INPP5F: variants seen among roughly 807,000 people sequenced by gnomAD.
INPP5F encodes phosphatidylinositide 4-phosphatase SAC2.
INPP5F carries 97 observed loss-of-function variants against 137.2 expected under a neutral mutation model. The ratio of observed to expected loss-of-function variants is 0.71; its 90% CI spans 0.60 to 0.84. The LOEUF (loss-of-function observed/expected upper bound fraction) is 0.84, where lower values mean the gene tolerates loss of function less well. Ranked by LOEUF, INPP5F falls within the 40% of genes least tolerant of loss-of-function variation. The probability of loss-of-function intolerance (pLI) is 0.00; values close to 1 mark genes in which losing one functional copy is unlikely to be tolerated. For synonymous variants in INPP5F, 504 were observed against 476.9 expected, an observed-to-expected ratio of 1.06 and a Z score of -0.74; for missense variants, 1,271 against 1,371.9, an observed-to-expected ratio of 0.93 and a Z score of 1.16.
rs373502094 is a variant in INPP5F at position 119,781,607 on chromosome 10, A to G, written c.179-28A>G. On this transcript the variant is annotated intron_variant, in intron 2 of 19. Coordinates refer to ENST00000650623, the MANE Select transcript of INPP5F (RefSeq NM_014937.4). Reference sequence around the variant, plus strand: ...AGAACAGTAGCACTCTAAAAACGCCAGACTTTATTATGACTCTCCTCTTTC... The same window carrying G: ...AGAACAGTAGCACTCTAAAAACGCCGGACTTTATTATGACTCTCCTCTTTC... The G allele has an allele frequency of 3.8e-6, 6 of 1,578,294 alleles. No individual in the cohort carries two copies. The Admixed American group carries it at 7.0e-5, about 18-fold the overall frequency.
At chr10:119,766,399 T>G (rs896674965) in intron 2 of INPP5F, among the ~76,000 whole-genome samples, 10 of 152,148 alleles carry the variant, frequency 6.6e-5, no homozygotes, top group Non-Finnish European at 1.5e-4. Flanking sequence ...TCATACACTT[T>G]AAAAACGAGA....
At chr10:119,804,446 T>A in intron 10 of INPP5F, 149 bp downstream of exon 10, 1 of 690,070 alleles carries the variant, frequency 1.4e-6, no homozygotes, top group Non-Finnish European at 2.2e-6. Context: ...TACTTTGTTT[T>A]AATTTTCATG....
rs185731753 is a variant in INPP5F at position 119,728,245 on chromosome 10, G to C, written c.97+1886G>C. Among the ~76,000 whole-genome samples, 296 of 152,330 alleles carry C rather than the reference G, an allele frequency of 1.9e-3. 1 individual carries two copies. Among genetic ancestry groups the C allele is most frequent in the African/African-American group, 6.7e-3 (280 of 41,576 alleles). Reference sequence around the variant, plus strand: ...GGAAGGAAGAGGCCATGTTTCAGAAGTAACAGCCAGTTTTGATCTTAAGGT... The same window carrying C: ...GGAAGGAAGAGGCCATGTTTCAGAACTAACAGCCAGTTTTGATCTTAAGGT... On this transcript the variant is annotated intron_variant, in intron 1 of 19. Coordinates refer to ENST00000650623, the MANE Select transcript of INPP5F (RefSeq NM_014937.4).
chr10:119,826,218 C>T (rs149110384), intron 19 of INPP5F, among the ~76,000 whole-genome samples: 1 of 152,300 alleles, frequency 6.6e-6, no homozygotes, highest in African/African-American at 2.4e-5. Flanking sequence ...AGCCACTCAC[C>T]ACATGTGGTT....
intron 2 of INPP5F, among the ~76,000 whole-genome samples, chr10:119,773,257 G>T (rs1218111508): frequency 1.3e-5 from 2 of 151,456 alleles, no homozygotes; most frequent in African/African-American, 2.4e-5. Flanking sequence ...GGGTCTTGCT[G>T]TGTTGCCCAG....
rs146361605 is a variant in INPP5F, at chr10:119,820,882, G to T, written c.1923G>T (p.Leu641=). ...IDATHRDVDV[L]LLLSNSAYYV... is the part of the protein sequence containing the mutation. ...CTACTCACAGAGACGTGGATGTGCT[G>T]TTACTGCTTTCTAACTCTGCCTACT... Residue 641 remains leucine, a synonymous_variant, in exon 16 of 20, where the codon CTG becomes CTT. Transcript: ENST00000650623. The T allele has an allele frequency of 8.6e-5, 138 of 1,611,962 alleles. No individual in the cohort carries two copies. The African/African-American group carries it at 1.8e-3, about 21-fold the overall frequency.
intron 13 of INPP5F, 64 bp from the exon 14 acceptor site, chr10:119,810,036 A>G: frequency 1.1e-6 from 1 of 903,140 alleles, no homozygotes; most frequent in Non-Finnish European, 1.8e-6. Flanking sequence ...CTGAAAGCCC[A>G]CAATTTATTT....
intron 2 of INPP5F, among the ~76,000 whole-genome samples, chr10:119,754,417 C>T (rs1270887006): frequency 6.6e-6 from 1 of 152,142 alleles, no homozygotes; most frequent in East Asian, 1.9e-4. Flanking sequence ...ACTTCTCCTC[C>T]TTGCCATTCT....
Position 119,820,933 on chromosome 10 carries a change from AT to A in INPP5F, c.1958+19del. On this transcript the variant is annotated intron_variant, in intron 16 of 19. Transcript: ENST00000650623. ...ACGTGGCCTAGTAAGTTGCTTATTG[AT>A]TTAAAGGTTTTGATTTTGTTTTTTA... 1 of 1,529,958 alleles carries A rather than the reference AT, an allele frequency of 6.5e-7. No homozygotes were observed. Among genetic ancestry groups the A allele is most frequent in the Non-Finnish European group, 9.0e-7 (1 of 1,107,184 alleles). The allele number at this position is 1,529,958 out of a possible 1,614,324, so 94.8% of individuals were successfully genotyped here.
intron 3 of INPP5F, 149 bp downstream of exon 3, chr10:119,781,920 G>T: frequency 1.5e-6 from 1 of 646,060 alleles, no homozygotes; most frequent in African/African-American, 1.8e-5. Context: ...CAACTTAGTA[G>T]TGGAACTCTT....
chr10:119,779,737 T>C (rs1244281084), intron 2 of INPP5F, among the ~76,000 whole-genome samples: 1 of 152,136 alleles, frequency 6.6e-6, no homozygotes, highest in Non-Finnish European at 1.5e-5. Context: ...AGTTCTTTCT[T>C]CAATACTAAA....
Position 119,787,545 on chromosome 10 carries a change from T to C in INPP5F, c.316-3972T>C, listed in dbSNP as rs1200222774. On this transcript the variant is annotated intron_variant, in intron 3 of 19. Transcript: ENST00000650623. The surrounding 1 kb of genome is among the most constrained non-coding windows in gnomAD (Gnocchi z 4.1). Reference sequence around the variant, plus strand: ...GCAAGCTGAGATCGCGCCATTGCACTCTAGCTTGGGTGACAGAGTGCGACT... The same window carrying C: ...GCAAGCTGAGATCGCGCCATTGCACCCTAGCTTGGGTGACAGAGTGCGACT... Among the ~76,000 whole-genome samples, 1 of 150,774 alleles carries C rather than the reference T, an allele frequency of 6.6e-6. No homozygotes were observed. The highest frequency in any genetic ancestry group is 1.5e-5 in the Non-Finnish European group (1 of 67,874).
chr10:119,797,545 A>G lies in INPP5F; in HGVS notation c.953A>G (p.Asn318Ser). Residue 318 changes from asparagine to serine, a missense_variant, in exon 8 of 20, where the codon AAT becomes AGT. Coordinates refer to ENST00000650623, the MANE Select transcript of INPP5F (RefSeq NM_014937.4). Reference protein sequence around the residue: ...VETEQLIHVHNHTLSFVQTRG... With the variant: ...VETEQLIHVHSHTLSFVQTRG... ...ACTGAGCAGTTGATTCATGTTCATA[A>G]TCATACCCTGTCATTTGTTCAAACA... 1 of 1,613,060 alleles carries G rather than the reference A, an allele frequency of 6.2e-7. No homozygotes were observed. Among genetic ancestry groups the G allele is most frequent in the Non-Finnish European group, 8.5e-7 (1 of 1,179,482 alleles).
At chr10:119,754,733 C>T (rs972911666) in intron 2 of INPP5F, among the ~76,000 whole-genome samples, 1 of 152,034 alleles carries the variant, frequency 6.6e-6, no homozygotes, top group Non-Finnish European at 1.5e-5. Flanking sequence ...CACTCTGCCC[C>T]CAGCCCCTTG....
chr10:119,787,559 CA>C lies in INPP5F; in HGVS notation c.316-3957del, dbSNP rs1849963608. ...CGCCATTGCACTCTAGCTTGGGTGA[CA>C]GAGTGCGACTCTGTCTCAAAGAAGG... On this transcript the variant is annotated intron_variant, in intron 3 of 19. Coordinates refer to ENST00000650623, the MANE Select transcript of INPP5F (RefSeq NM_014937.4). The surrounding 1 kb of genome is among the most constrained non-coding windows in gnomAD (Gnocchi z 4.1). Among the ~76,000 whole-genome samples the C allele has an allele frequency of 6.8e-6, 1 of 147,322 alleles. No homozygotes were observed. Among genetic ancestry groups the C allele is most frequent in the Non-Finnish European group, 1.5e-5 (1 of 67,368 alleles).
intron 2 of INPP5F, among the ~76,000 whole-genome samples, chr10:119,756,776 TA>T (rs1250057033): frequency 7.0e-6 from 1 of 142,708 alleles, no homozygotes; most frequent in Non-Finnish European, 1.5e-5. Context: ...ACATTTCTTT[TA>T]AAAAATATAT....
chr10:119,793,401 AAACAAAAC>A (rs1214854299), intron 6 of INPP5F, among the ~76,000 whole-genome samples: 2 of 148,834 alleles, frequency 1.3e-5, no homozygotes, highest in South Asian at 2.7e-4. Context: ...GCATAAAACA[AAACAAAAC>A]AAAACAAAAC....
At position 119,806,498 on chromosome 10, in the gene INPP5F, G is replaced by C. The variant is rs1168517524; in HGVS notation, c.1440+18G>C. The C allele has an allele frequency of 3.8e-6, 6 of 1,566,334 alleles. No homozygotes were observed. The highest frequency in any genetic ancestry group is 3.4e-6 in the Non-Finnish European group (4 of 1,162,020). On this transcript the variant is annotated intron_variant, in intron 12 of 19. Coordinates refer to ENST00000650623, the MANE Select transcript of INPP5F (RefSeq NM_014937.4). ...AACAGCAGGTAATTTGGAGTCTGTT[G>C]GATTGCAAATATTCATTTCGAAATG...
chr10:119,771,270 T>C (rs1186060040), intron 2 of INPP5F, among the ~76,000 whole-genome samples: 1 of 152,248 alleles, frequency 6.6e-6, no homozygotes, highest in Non-Finnish European at 1.5e-5. Flanking sequence ...ATTGTCCATG[T>C]TGAAACATGT....
Sources: allele counts gnomAD v4.1 joint callset (sites outside exome capture counted in the v4.1 genomes callset), GRCh38; gene constraint gnomAD v4.1.1; non-coding constraint Gnocchi (gnomAD v3.1); transcripts MANE v1.5; gene names NCBI Gene and HGNC (gene_info 2026-07-23, HGNC 2026-07-21).